The following NINL variants were observed in gnomAD, a reference collection of about 807,000 sequenced individuals.
The protein encoded by NINL is ninein like.
In NINL, 153 loss-of-function variants were observed where a neutral mutation model predicts 160.3. The observed-to-expected ratio is 0.95, with a 90% CI of 0.84 to 1.09. The LOEUF is 1.09. Ranked by LOEUF, NINL falls within the 50% of genes least tolerant of loss-of-function variation. The pLI is 0.00. For missense variants in NINL, 1,829 were observed against 1,764.0 expected (o/e 1.04, Z -0.66); for synonymous variants, 800 against 734.8 (o/e 1.09, Z -1.43).
rs558122659 is a variant in NINL, at chr20:25,538,090, G to A, written c.-11-11492C>T. On this transcript the variant is annotated intron_variant, in intron 1 of 23. Transcript: ENST00000278886. ...ACCAGGGCGTGAGATGCTGGTGGCC[G>A]CCCCTGGCCCATCCCAACCCCGCAA... Among the ~76,000 whole-genome samples, 17 of 152,258 alleles carry A rather than the reference G, an allele frequency of 1.1e-4. No homozygotes were observed. The South Asian group carries it at 2.3e-3, about 20-fold the overall frequency.
At chr20:25,568,463 T>C (rs76237652) in intron 1 of NINL, among the ~76,000 whole-genome samples, 5,030 of 151,642 alleles carry the variant, frequency 0.033, 253 homozygotes, top group African/African-American at 0.11. Context: ...TCGGGAAGAG[T>C]AGTGGCCTGA....
At chr20:25,500,504 G>A (rs868059924) in intron 8 of NINL, among the ~76,000 whole-genome samples, 5 of 152,170 alleles carry the variant, frequency 3.3e-5, no homozygotes, top group Admixed American at 6.5e-5. Context: ...AACAGAAATC[G>A]TCATCATCAC....
At chr20:25,462,714 G>A in intron 19 of NINL, 173 bp from the exon 20 acceptor site, 1 of 576,422 alleles carries the variant, frequency 1.7e-6, no homozygotes. Flanking sequence ...GAGTGCGGTG[G>A]CACATTCATG....
chr20:25,468,737 CG>C, intron 18 of NINL, among the ~76,000 whole-genome samples: 1 of 122,084 alleles, frequency 8.2e-6, no homozygotes, highest in South Asian at 3.1e-4. Context: ...CACTGGTAGG[CG>C]CCCCCCTGCC....
At chr20:25,506,154 C>T (rs540779050) in intron 5 of NINL, among the ~76,000 whole-genome samples, 1 of 152,208 alleles carries the variant, frequency 6.6e-6, no homozygotes, top group South Asian at 2.1e-4. Flanking sequence ...CCCAGCTACT[C>T]GGGAGGCTGA....
In NINL at chr20:25,476,573, C is replaced by G. The variant is rs1328693965; in HGVS notation, c.2718G>C (p.Trp906Cys). The G allele has an allele frequency of 6.3e-7, 1 of 1,599,360 alleles. No homozygotes were observed. Among genetic ancestry groups the G allele is most frequent in the Non-Finnish European group, 8.5e-7 (1 of 1,179,742 alleles). The change falls in exon 17 of 24, where the codon TGG becomes TGC. Residue 906 changes from tryptophan (W) to cysteine (C), a missense_variant. Physicochemically the swap from Trp to Cys is radical, Grantham distance 215. Transcript: ENST00000278886. ...APASHGPSER[W>C]SRMQPCGVDG... ...CCACTCCACAGGGCTGCATGCGTGA[C>G]CACCTCTCTGAGGGGCCGTGGGATG...
chr20:25,477,127 G>T (rs760840204), intron 16 of NINL, 38 bp from the exon 17 acceptor site: 1 of 1,509,210 alleles, frequency 6.6e-7, no homozygotes, highest in Admixed American at 2.0e-5. Flanking sequence ...CAGCCCTGCC[G>T]CCCCCAGCCC....
chr20:25,539,903 C>T (rs1041645241), intron 1 of NINL: 1 of 459,072 alleles, frequency 2.2e-6, no homozygotes, highest in Non-Finnish European at 3.8e-6. Context: ...AGGACCAAGA[C>T]ATTCATCCAG....
chr20:25,474,166 A>C (rs1416939798), intron 17 of NINL, among the ~76,000 whole-genome samples: 1 of 152,210 alleles, frequency 6.6e-6, no homozygotes, highest in Non-Finnish European at 1.5e-5. Context: ...GAGTAAGGTG[A>C]CATGAGGAGG....
intron 9 of NINL, among the ~76,000 whole-genome samples, chr20:25,497,021 G>A (rs2063770454): frequency 6.6e-6 from 1 of 152,202 alleles, no homozygotes; most frequent in South Asian, 2.1e-4. Context: ...ACGTGACTTG[G>A]CAAGGAAAGT....
chr20:25,476,002 A>G (rs2063222373), intron 17 of NINL, 41 bp downstream of exon 17: 3 of 1,576,736 alleles, frequency 1.9e-6, no homozygotes, highest in Non-Finnish European at 2.6e-6. Context: ...CTGCATTTTT[A>G]GTTTGAAGTG....
intron 1 of NINL, among the ~76,000 whole-genome samples, chr20:25,568,782 T>G (rs2065021640): frequency 6.6e-6 from 1 of 151,880 alleles, no homozygotes; most frequent in African/African-American, 2.4e-5. Flanking sequence ...AGCCCTGAAA[T>G]TGAAGAAAGA....
chr20:25,584,806 C>T (rs1471384959), intron 1 of NINL, among the ~76,000 whole-genome samples: 2 of 152,208 alleles, frequency 1.3e-5, no homozygotes, highest in Non-Finnish European at 2.9e-5. Flanking sequence ...CAGGCACGAT[C>T]GATGATTATG....
In NINL at chr20:25,476,617, C is replaced by T. The variant is rs2063251034; in HGVS notation, c.2674G>A (p.Ala892Thr). 3 of 1,593,096 alleles carry T rather than the reference C, an allele frequency of 1.9e-6. No homozygotes were observed. The highest frequency in any genetic ancestry group is 2.7e-5 in the African/African-American group (2 of 74,884). The stretch of plus-strand genomic sequence containing the variant: ...TGGGATGCCGGGGCAGGGGCGGGGG[C>T]CGGGCTCTGCGTAGCTTCTGTGTCC... The part of the protein sequence containing the change: ...AQDTEATQSP[A>T]PAPAPASHGP... Residue 892 changes from alanine (A) to threonine (T), a missense_variant, in exon 17 of 24, where the codon GCC (alanine) becomes ACC (threonine). Coordinates refer to ENST00000278886, the MANE Select transcript of NINL (RefSeq NM_025176.6).
At position 25,498,343 on chromosome 20, in the gene NINL, G is replaced by C. The variant is rs748096114; in HGVS notation, c.1036C>G (p.Leu346Val). The C allele has an allele frequency of 6.2e-7, 1 of 1,612,596 alleles. No individual in the cohort carries two copies. The highest frequency in any genetic ancestry group is 2.2e-5 in the East Asian group (1 of 44,874). ...IQNGREILQS[L>V]DFSVDEKVNL... ...ACCTTCTCGTCCACGCTGAAGTCCAGGCTCTGGAAGCAGCAAGCCTGGTAA... is the reference window on the plus strand; with the variant it reads ...ACCTTCTCGTCCACGCTGAAGTCCACGCTCTGGAAGCAGCAAGCCTGGTAA... The change falls in exon 9 of 24, where the codon CTG becomes GTG. Residue 346 changes from leucine to valine, a missense_variant. Transcript: ENST00000278886.
chr20:25,558,977 T>A (rs995829990), intron 1 of NINL, among the ~76,000 whole-genome samples: 2 of 152,238 alleles, frequency 1.3e-5, no homozygotes, highest in African/African-American at 4.8e-5. Flanking sequence ...TTGCTTTGCT[T>A]CCAAGATCTT....
At chr20:25,506,035 G>A (rs1468806964) in intron 5 of NINL, among the ~76,000 whole-genome samples, 3 of 152,230 alleles carry the variant, frequency 2.0e-5, no homozygotes, top group Admixed American at 6.5e-5. Context: ...AGACCAAGGC[G>A]GGTAGATCAC....
At chr20:25,507,198 C>T (rs533352466) in intron 5 of NINL, among the ~76,000 whole-genome samples, 1 of 152,218 alleles carries the variant, frequency 6.6e-6, no homozygotes, top group East Asian at 1.9e-4. Context: ...CCATCCTTAA[C>T]ATTTCCTGAA....
At position 25,492,577 on chromosome 20, in the gene NINL, G is replaced by A. The variant is rs534014136; in HGVS notation, c.1311-1052C>T. ...CACCATTCTCCTGCCTCAGCCTCCCGAGTAGCTGGGACTACAGGCACCCAC... is the reference window on the plus strand; with the variant it reads ...CACCATTCTCCTGCCTCAGCCTCCCAAGTAGCTGGGACTACAGGCACCCAC... On this transcript the variant is annotated intron_variant, in intron 10 of 23. Coordinates refer to ENST00000278886, the MANE Select transcript of NINL (RefSeq NM_025176.6). Among the ~76,000 whole-genome samples, 19 of 151,854 alleles carry A rather than the reference G, an allele frequency of 1.3e-4. No homozygotes were observed. The East Asian group carries it at 3.1e-3, about 25-fold the overall frequency.
Sources: allele counts gnomAD v4.1 joint callset (sites outside exome capture counted in the v4.1 genomes callset), GRCh38; gene constraint gnomAD v4.1.1; transcripts MANE v1.5; gene names NCBI Gene and HGNC (gene_info 2026-07-23, HGNC 2026-07-21).